Variants in YES1 observed in about 807,000 individuals in gnomAD.
YES1 encodes the protein YES proto-oncogene 1, Src family tyrosine kinase, also known as tyrosine-protein kinase Yes.
YES1 carries 39 observed loss-of-function variants against 70.4 expected under a neutral mutation model. The ratio of observed to expected loss-of-function variants is 0.55; its 90% CI spans 0.43 to 0.72. The LOEUF (loss-of-function observed/expected upper bound fraction) is 0.72, where lower values mean the gene tolerates loss of function less well. Ranked by LOEUF, YES1 falls within the 30% of genes least tolerant of loss-of-function variation. The pLI is 0.00. For missense variants in YES1, 495 were observed against 644.8 expected, an observed-to-expected ratio of 0.77 and a Z score of 2.52; for synonymous variants, 198 against 218.6, an observed-to-expected ratio of 0.91 and a Z score of 0.83.
intron 1 of YES1, among the ~76,000 whole-genome samples, chr18:768,995 C>T (rs1905034742): frequency 6.6e-6 from 1 of 152,164 alleles, no homozygotes; most frequent in Non-Finnish European, 1.5e-5. Flanking sequence ...AGCCACTGTG[C>T]CTGGCCCTAG....
At chr18:777,317 C>A (rs200128954) in intron 1 of YES1, among the ~76,000 whole-genome samples, 1 of 152,060 alleles carries the variant, frequency 6.6e-6, no homozygotes, top group Non-Finnish European at 1.5e-5. Flanking sequence ...AAAAATAAAC[C>A]ACTGAATTGT....
At chr18:739,616 T>C in intron 9 of YES1, 119 bp downstream of exon 9, 1 of 813,470 alleles carries the variant, frequency 1.2e-6, no homozygotes. Flanking sequence ...CTCTAAAAAA[T>C]AAAAAATAAA....
chr18:784,620 G>A (rs1905843605), intron 1 of YES1, among the ~76,000 whole-genome samples: 1 of 152,216 alleles, frequency 6.6e-6, no homozygotes, highest in African/African-American at 2.4e-5. Context: ...GACAAAATCA[G>A]TTCTTGCCCT....
Position 751,815 on chromosome 18 carries a change from GA to G in YES1, c.272-12del. On this transcript the variant is annotated splice_polypyrimidine_tract_variant and intron_variant, in intron 2 of 11. Transcript: ENST00000314574. ...ATATAGTAACACCACCTATCAGAGG[GA>G]AAAAAGACCAAGGTAAATTATGTAG... 2.1e-6 allele frequency: 3 copies of G among 1,425,082 alleles called. No individual in the cohort carries two copies. The highest frequency in any genetic ancestry group is 2.9e-6 in the Non-Finnish European group (3 of 1,031,354). 88.3% of individuals were successfully genotyped at this position (1,425,082 alleles called of 1,614,324 possible).
chr18:799,807 G>A (rs1906729651), intron 1 of YES1, among the ~76,000 whole-genome samples: 2 of 152,060 alleles, frequency 1.3e-5, no homozygotes, highest in Admixed American at 1.3e-4. Context: ...AGGCTGAGGT[G>A]AGAGGATCAC....
At chr18:731,966 CA>C (rs1165333694) in intron 11 of YES1, among the ~76,000 whole-genome samples, 1,661 of 79,970 alleles carry the variant, frequency 0.021, 27 homozygotes, top group African/African-American at 0.075. Context: ...GACTCCATTT[CA>C]AAAAAAAAAA....
At chr18:799,546 C>T (rs1433116134) in intron 1 of YES1, among the ~76,000 whole-genome samples, 4 of 151,816 alleles carry the variant, frequency 2.6e-5, no homozygotes, top group Non-Finnish European at 5.9e-5. Flanking sequence ...CCCATCTTTA[C>T]TAAAAATACA....
At chr18:779,150 CCAG>C in intron 1 of YES1, among the ~76,000 whole-genome samples, 1 of 152,006 alleles carries the variant, frequency 6.6e-6, no homozygotes. Flanking sequence ...GTGGCTGATC[CCAG>C]CAGTTTGGGA....
At position 751,815 on chromosome 18, in the gene YES1, GAAAA is replaced by G; in HGVS notation, c.272-15_272-12del. ...ATATAGTAACACCACCTATCAGAGG[GAAAA>G]AAGACCAAGGTAAATTATGTAGCTA... is the stretch of plus-strand genomic sequence containing the variant. On this transcript the variant is annotated splice_polypyrimidine_tract_variant and intron_variant, in intron 2 of 11. Transcript: ENST00000314574. 7.0e-7 allele frequency: 1 copy of G among 1,425,124 alleles called. No homozygotes were observed. The highest frequency in any genetic ancestry group is 9.7e-7 in the Non-Finnish European group (1 of 1,031,380). 88.3% of individuals were successfully genotyped at this position (1,425,124 alleles called of 1,614,324 possible).
At chr18:783,819 G>A (rs1047725282) in intron 1 of YES1, among the ~76,000 whole-genome samples, 35 of 152,178 alleles carry the variant, frequency 2.3e-4, no homozygotes, top group Non-Finnish European at 2.6e-4. Flanking sequence ...TCACCATGTT[G>A]GCCAGGCTAG....
intron 1 of YES1, among the ~76,000 whole-genome samples, chr18:773,283 C>G (rs866974692): frequency 9.9e-5 from 15 of 152,206 alleles, no homozygotes; most frequent in Admixed American, 5.9e-4. Flanking sequence ...GGAGTCAGGT[C>G]AGTACAGACA....
chr18:812,255 C>T (rs1178502846), upstream of YES1: 2 of 151,708 alleles, frequency 1.3e-5, no homozygotes, highest in South Asian at 2.1e-4. Context: ...CAGAGCCGGC[C>T]CGGGACGCGT....
chr18:764,441 C>T (rs572050563), intron 1 of YES1, among the ~76,000 whole-genome samples: 10 of 152,202 alleles, frequency 6.6e-5, no homozygotes, highest in South Asian at 4.1e-4. Flanking sequence ...AGGCTGGTCT[C>T]GAACTCCTGA....
intron 1 of YES1, among the ~76,000 whole-genome samples, chr18:790,460 C>A (rs1906188203): frequency 6.6e-6 from 1 of 152,112 alleles, no homozygotes; most frequent in Admixed American, 6.6e-5. Flanking sequence ...AATTCATTAC[C>A]TTTTCTTTTA....
At chr18:795,930 C>T (rs929163090) in intron 1 of YES1, among the ~76,000 whole-genome samples, 2 of 151,968 alleles carry the variant, frequency 1.3e-5, no homozygotes, top group Non-Finnish European at 2.9e-5. Context: ...CACACACACA[C>T]ACACACACAC....
chr18:723,405 C>A lies in YES1; in HGVS notation c.*1019G>T, dbSNP rs1227634767. On this transcript the variant is annotated 3_prime_UTR_variant, in exon 12 of 12. Coordinates refer to ENST00000314574, the MANE Select transcript of YES1 (RefSeq NM_005433.4). ...TTGTAAAACTTTCACTTTCTTTTCTCGTATTTCTTTTAAATACATTTTCCT... is the reference window on the plus strand; with the variant it reads ...TTGTAAAACTTTCACTTTCTTTTCTAGTATTTCTTTTAAATACATTTTCCT... 6.6e-6 allele frequency: 1 copy of A among 152,584 alleles called. No individual in the cohort carries two copies. Among genetic ancestry groups the A allele is most frequent in the Non-Finnish European group, 1.5e-5 (1 of 68,034 alleles). The allele number at this position is 152,584 out of a possible 1,614,324, so 9.5% of individuals were successfully genotyped here.
intron 1 of YES1, among the ~76,000 whole-genome samples, chr18:762,272 A>G (rs1164868830): frequency 6.6e-6 from 1 of 152,226 alleles, no homozygotes; most frequent in African/African-American, 2.4e-5. Context: ...GTGAGCCGAG[A>G]TTGCGTCATT....
chr18:743,593 A>G (rs1020358817), intron 6 of YES1, among the ~76,000 whole-genome samples, 178 bp from the exon 7 acceptor site: 6 of 152,204 alleles, frequency 3.9e-5, no homozygotes, highest in East Asian at 1.9e-4. Context: ...TGAAATATAC[A>G]TAAGTGAAAC....
intron 2 of YES1, among the ~76,000 whole-genome samples, chr18:755,874 C>A (rs1236948593): frequency 1.3e-5 from 2 of 152,138 alleles, no homozygotes; most frequent in African/African-American, 4.8e-5. Context: ...GGACCCTTTA[C>A]AAAAGAGCTC....
Sources: gnomAD v4.1 joint callset for allele counts (sites outside exome capture counted in the v4.1 genomes callset) on GRCh38, gnomAD v4.1.1 for gene constraint, MANE v1.5 for transcripts, NCBI Gene and HGNC (gene_info 2026-07-23, HGNC 2026-07-21) for gene names.